Variants in TMEM130 observed in about 807,000 individuals in gnomAD.
TMEM130 encodes the protein transmembrane protein 130.
TMEM130 carries 37 observed loss-of-function variants against 42.9 expected under a neutral mutation model. The ratio of observed to expected loss-of-function variants is 0.86; its 90% confidence interval spans 0.66 to 1.13. The LOEUF (loss-of-function observed/expected upper bound fraction) is 1.13, where lower values mean the gene tolerates loss of function less well. Ranked by LOEUF, TMEM130 falls within the 50% of genes most tolerant of loss-of-function variation. The pLI is 0.00. For missense variants in TMEM130, 545 were observed against 562.6 expected (o/e 0.97, Z 0.32); for synonymous variants, 259 against 237.7 (o/e 1.09, Z -0.82).
At chr7:98,848,461 C>T in intron 7 of TMEM130, 122 bp downstream of exon 7, 1 of 822,504 alleles carries the variant, frequency 1.2e-6, no homozygotes, top group Non-Finnish European at 2.0e-6. Context: ...ACCCCAAGTC[C>T]CGGAGCCTCG....
chr7:98,863,327 C>A lies in TMEM130; in HGVS notation c.159G>T (p.Leu53=). The A allele has an allele frequency of 2.5e-6, 4 of 1,611,786 alleles. No homozygotes were observed. The South Asian group carries it at 4.4e-5, about 18-fold the overall frequency. ...CCAGGCTGCCGTTGTCCTTGGCCAC[C>A]AGGCTGGCCGAGATGGTCACCACCG... ...TGAVVTISAS[L]VAKDNGSLAL... Residue 53 remains leucine, a synonymous_variant, in exon 2 of 8, where the codon CTG becomes CTT. Transcript: ENST00000339375.
intron 4 of TMEM130, 82 bp downstream of exon 4, chr7:98,855,935 C>T (rs1221207341): frequency 1.3e-6 from 2 of 1,485,544 alleles, no homozygotes; most frequent in Non-Finnish European, 1.8e-6. Context: ...GGCGTGAGTC[C>T]AGCCCAGAGC....
chr7:98,870,002 C>T lies in TMEM130; in HGVS notation c.-141G>A, dbSNP rs1478689061. On this transcript the variant is annotated 5_prime_UTR_variant, in exon 1 of 8. Coordinates refer to ENST00000339375, the MANE Select transcript of TMEM130 (RefSeq NM_152913.3). ...GGGCGCCGTGCTCGCTCGTCCTCGC[C>T]GGGGGACGCTCTGTCGCTGCGCGCC... 6 of 438,678 alleles carry T rather than the reference C, an allele frequency of 1.4e-5. No homozygotes were observed. Among genetic ancestry groups the T allele is most frequent in the Middle Eastern group, 6.6e-4 (1 of 1,508 alleles). 27.2% of individuals were successfully genotyped at this position (438,678 alleles called of 1,614,324 possible).
intron 5 of TMEM130, among the ~76,000 whole-genome samples, chr7:98,853,954 C>T (rs1794568868): frequency 6.6e-6 from 1 of 152,168 alleles, no homozygotes; most frequent in Non-Finnish European, 1.5e-5. Flanking sequence ...AGCAGATGCT[C>T]AAGCAACTTT....
intron 5 of TMEM130, among the ~76,000 whole-genome samples, chr7:98,852,340 G>A (rs1554398414): frequency 6.6e-6 from 1 of 152,042 alleles, no homozygotes; most frequent in Admixed American, 6.6e-5. Context: ...ATGTTGGCTA[G>A]GCTGGTCTCA....
At position 98,848,046 on chromosome 7, in the gene TMEM130, G is replaced by T. The variant is rs529489813; in HGVS notation, c.*10C>A. ...AGTTAACACTGAGATGGGGTGGGGA[G>T]GGGGAGTGCTCACACGGTGTAAGTT... On this transcript the variant is annotated 3_prime_UTR_variant, in exon 8 of 8. Transcript: ENST00000339375. 3.7e-5 allele frequency: 60 copies of T among 1,609,874 alleles called. No individual in the cohort carries two copies. Among genetic ancestry groups the T allele is most frequent in the Non-Finnish European group, 4.8e-5 (57 of 1,177,418 alleles).
intron 1 of TMEM130, chr7:98,866,321 A>T (rs1554400621): frequency 1.3e-5 from 2 of 152,208 alleles, no homozygotes; most frequent in South Asian, 2.1e-4. Context: ...CAAATAAATA[A>T]ATACATAAAT....
Position 98,847,878 on chromosome 7 carries a change from CA to C in TMEM130, c.*177del. On this transcript the variant is annotated 3_prime_UTR_variant, in exon 8 of 8. Transcript: ENST00000339375. ...GTACAGATGGGTGAATGGCTGGGGT[CA>C]GGGGTGACAGAGAGGGAGGGGCTTG... 1.6e-6 allele frequency: 1 copy of C among 610,226 alleles called. No homozygotes were observed. Among genetic ancestry groups the C allele is most frequent in the African/African-American group, 1.9e-5 (1 of 53,964 alleles). The allele number at this position is 610,226 out of a possible 1,614,324, so 37.8% of individuals were successfully genotyped here. A position where few individuals can be genotyped will look rare whatever the true frequency, so the allele number is the denominator to read the frequency against.
Position 98,863,265 on chromosome 7 carries a change from C to T in TMEM130, c.221G>A (p.Trp74Ter). ...AGTAAGCACCAGCGGGGTGTGGATC[C>T]AGTGGAAGCGGTAGAGGTGGGCGTC... ...PADAHLYRFHWIHTPLVLTGK... is the reference protein window; with the variant it reads ...PADAHLYRFH The change falls in exon 2 of 8, where the codon TGG becomes TAG. Residue 74 changes from tryptophan (W) to a stop codon, truncating the protein, a stop_gained. Coordinates refer to ENST00000339375, the MANE Select transcript of TMEM130 (RefSeq NM_152913.3). LOFTEE classifies it high-confidence loss of function. 2 of 1,612,678 alleles carry T rather than the reference C, an allele frequency of 1.2e-6. No individual in the cohort carries two copies. The highest frequency in any genetic ancestry group is 2.2e-5 in the South Asian group (2 of 91,014).
rs782097003 is a variant in TMEM130, at chr7:98,863,204, A to G, written c.282T>C (p.Arg94=). ...KMEKGLSSTI[R]VVGHVPGEFP... ...ATTCCCCGGGCACGTGGCCGACCAC[A>G]CGGATGGTGGAGCTGAGACCCTTCT... The change falls in exon 2 of 8, where the codon CGT becomes CGC. Residue 94 remains arginine, a synonymous_variant. Transcript: ENST00000339375. 4 of 1,614,024 alleles carry G rather than the reference A, an allele frequency of 2.5e-6. No individual in the cohort carries two copies. The South Asian group carries it at 4.4e-5, about 18-fold the overall frequency.
rs578128607 is a variant in TMEM130, at chr7:98,853,454, C to A, written c.803+1786G>T. 3.3e-5 allele frequency among the ~76,000 whole-genome samples: 5 copies of A among 152,204 alleles called. No homozygotes were observed. The East Asian group carries it at 7.7e-4, about 24-fold the overall frequency. On this transcript the variant is annotated intron_variant, in intron 5 of 7. Transcript: ENST00000339375. ...ACCAGCCTGGCCGACATGATGAAAC[C>A]CTGTCTTTACAAAAAATACAAAAAT...
chr7:98,860,858 G>A (rs935633487), intron 2 of TMEM130, among the ~76,000 whole-genome samples: 3 of 146,266 alleles, frequency 2.1e-5, no homozygotes, highest in African/African-American at 7.6e-5. Flanking sequence ...GAGGAGAATC[G>A]CTTGAACCTG....
At chr7:98,868,073 AC>A (rs1156605301) in intron 1 of TMEM130, among the ~76,000 whole-genome samples, 1 of 152,146 alleles carries the variant, frequency 6.6e-6, no homozygotes, top group African/African-American at 2.4e-5. Context: ...TACTAAAAAT[AC>A]AAAAATTAGC....
intron 1 of TMEM130, among the ~76,000 whole-genome samples, chr7:98,868,638 G>C (rs1239178000): frequency 2.0e-5 from 3 of 152,124 alleles, no homozygotes; most frequent in African/African-American, 7.2e-5. Flanking sequence ...CTCCCCGACG[G>C]GTGAGGGAGA....
In TMEM130 at chr7:98,867,802, C is replaced by G. The variant is rs111575597; in HGVS notation, c.85+1975G>C. Among the ~76,000 whole-genome samples, 236 of 152,292 alleles carry G rather than the reference C, an allele frequency of 1.5e-3. 1 individual carries two copies. The highest frequency in any genetic ancestry group is 5.4e-3 in the African/African-American group (226 of 41,570). ...TTTCAAAATCAGGTGTGTCACAGCC[C>G]CTGGGTGATGCTGCCCCTGTTCCTC... is the stretch of plus-strand genomic sequence containing the variant. On this transcript the variant is annotated intron_variant, in intron 1 of 7. Coordinates refer to ENST00000339375, the MANE Select transcript of TMEM130 (RefSeq NM_152913.3).
In TMEM130 at chr7:98,869,404, G is replaced by A; in HGVS notation, c.85+373C>T. ...CTGGGGGACTGGGGAATTGTGGCGC[G>A]ATGACGGACCCTGGCGCATCCCCGC... On this transcript the variant is annotated intron_variant, in intron 1 of 7. Coordinates refer to ENST00000339375, the MANE Select transcript of TMEM130 (RefSeq NM_152913.3). This position sits in a 1 kb window ranked among gnomAD's most constrained non-coding sequence, Gnocchi z 4.7. 1 of 1,198,902 alleles carries A rather than the reference G, an allele frequency of 8.3e-7. No individual in the cohort carries two copies. 74.3% of individuals were successfully genotyped at this position (1,198,902 alleles called of 1,614,324 possible). A position where few individuals can be genotyped will look rare whatever the true frequency, so the allele number is the denominator to read the frequency against.
chr7:98,850,853 T>C (rs984647467), intron 6 of TMEM130, among the ~76,000 whole-genome samples: 1 of 152,124 alleles, frequency 6.6e-6, no homozygotes, highest in African/African-American at 2.4e-5. Context: ...AACACTGCAA[T>C]CATGGTGGCT....
chr7:98,869,988 T>C lies in TMEM130; in HGVS notation c.-127A>G, dbSNP rs1160124185. The C allele has an allele frequency of 2.0e-6, 1 of 505,700 alleles. No individual in the cohort carries two copies. Among genetic ancestry groups the C allele is most frequent in the East Asian group, 3.8e-5 (1 of 26,188 alleles). The allele number at this position is 505,700 out of a possible 1,614,324, so 31.3% of individuals were successfully genotyped here. On this transcript the variant is annotated 5_prime_UTR_variant, in exon 1 of 8. Transcript: ENST00000339375. This position sits in a 1 kb window ranked among gnomAD's most constrained non-coding sequence, Gnocchi z 4.7. ...GTGCGGGGAGGTGCGGGCGCCGTGC[T>C]CGCTCGTCCTCGCCGGGGGACGCTC...
rs552902578 is a variant in TMEM130 at position 98,863,315 on chromosome 7, G to A, written c.171C>T (p.Asp57=). 26 of 1,612,748 alleles carry A rather than the reference G, an allele frequency of 1.6e-5. No individual in the cohort carries two copies. The highest frequency in any genetic ancestry group is 2.7e-5 in the African/African-American group (2 of 75,046). ...VTISASLVAK[D]NGSLALPADA... Reference sequence around the variant, plus strand: ...CAGCGGGCAGGGCCAGGCTGCCGTTGTCCTTGGCCACCAGGCTGGCCGAGA... The same window carrying A: ...CAGCGGGCAGGGCCAGGCTGCCGTTATCCTTGGCCACCAGGCTGGCCGAGA... The change falls in exon 2 of 8, where the codon GAC becomes GAT. Residue 57 remains aspartate (D), a synonymous_variant. Transcript: ENST00000339375.
Sources: gnomAD v4.1 joint callset for allele counts (sites outside exome capture counted in the v4.1 genomes callset) on GRCh38, gnomAD v4.1.1 for gene constraint, Gnocchi (gnomAD v3.1) non-coding constraint, MANE v1.5 for transcripts, NCBI Gene and HGNC (gene_info 2026-07-23, HGNC 2026-07-21) for gene names.